Variants in ATRNL1 observed in about 807,000 individuals in gnomAD.
ATRNL1 encodes attractin like 1.
Under a neutral mutation model 182.7 loss-of-function variants are expected in ATRNL1, and 95 were observed. The ratio of observed to expected loss-of-function variants is 0.52; its 90% CI spans 0.44 to 0.62. The LOEUF is 0.62. Ranked by LOEUF, ATRNL1 falls within the 20% of genes least tolerant of loss-of-function variation. ATRNL1 has a pLI of 0.00. For missense variants in ATRNL1, 1,471 were observed against 1,679.5 expected, an observed-to-expected ratio of 0.88 and a Z score of 2.17; for synonymous variants, 576 against 568.3, an observed-to-expected ratio of 1.01 and a Z score of -0.19.
intron 26 of ATRNL1, among the ~76,000 whole-genome samples, chr10:115,691,183 C>T (rs531726327): frequency 6.6e-6 from 1 of 152,104 alleles, no homozygotes; most frequent in African/African-American, 2.4e-5. Flanking sequence ...TATTTTTAAC[C>T]TTCAGGAACT....
chr10:115,281,277 A>G (rs1852347762), intron 13 of ATRNL1, 78 bp from the exon 14 acceptor site: 1 of 1,269,852 alleles, frequency 7.9e-7, no homozygotes, highest in African/African-American at 1.5e-5. Context: ...AGTTCACCAG[A>G]GGATTTAAAT....
chr10:115,139,250 C>T (rs1379990262), intron 5 of ATRNL1, among the ~76,000 whole-genome samples: 1 of 152,216 alleles, frequency 6.6e-6, no homozygotes, highest in Admixed American at 6.5e-5. Flanking sequence ...CAAAGCGTTT[C>T]AACCTCTGCC....
At chr10:115,727,439 C>A in intron 27 of ATRNL1, 84 bp downstream of exon 27, 2 of 1,005,898 alleles carry the variant, frequency 2.0e-6, no homozygotes, top group Non-Finnish European at 3.0e-6. Flanking sequence ...GCTTATGAAG[C>A]CAAACAGAGT....
At chr10:115,691,220 A>G (rs1257342735) in intron 26 of ATRNL1, among the ~76,000 whole-genome samples, 1 of 152,122 alleles carries the variant, frequency 6.6e-6, no homozygotes, top group Non-Finnish European at 1.5e-5. Flanking sequence ...TCGTGCCTGT[A>G]CCAATTTACA....
At chr10:115,600,177 T>C in intron 26 of ATRNL1, among the ~76,000 whole-genome samples, 1 of 152,070 alleles carries the variant, frequency 6.6e-6, no homozygotes, top group African/African-American at 2.4e-5. Flanking sequence ...ACTTCGTTCA[T>C]TGATTTCACC....
chr10:115,467,267 A>G lies in ATRNL1; in HGVS notation c.3496+15A>G, dbSNP rs781861607. On this transcript the variant is annotated intron_variant, in intron 23 of 28. Transcript: ENST00000355044. Reference sequence around the variant, plus strand: ...CGGTTCAACAGGTAAAAAAATGTTGATGTCATATCTCTTTTACATGTGTTC... The same window carrying G: ...CGGTTCAACAGGTAAAAAAATGTTGGTGTCATATCTCTTTTACATGTGTTC... The G allele has an allele frequency of 1.3e-6, 2 of 1,569,620 alleles. No homozygotes were observed. Among genetic ancestry groups the G allele is most frequent in the East Asian group, 4.6e-5 (2 of 43,780 alleles).
At chr10:115,883,936 G>A (rs1951885040) in intron 28 of ATRNL1, among the ~76,000 whole-genome samples, 8 of 152,210 alleles carry the variant, frequency 5.3e-5, no homozygotes, top group African/African-American at 1.9e-4. Context: ...GACATTTTGA[G>A]TAGCTTGGTG....
intron 26 of ATRNL1, among the ~76,000 whole-genome samples, chr10:115,559,443 T>TGCGCGCGCGC (rs71476112): frequency 1.2e-4 from 9 of 77,788 alleles, no homozygotes; most frequent in East Asian, 6.7e-4. Flanking sequence ...TGTGTGTGTG[T>TGCGCGCGCGC]GCGCGCGCGC....
At chr10:115,734,993 C>A (rs1555064980) in intron 27 of ATRNL1, among the ~76,000 whole-genome samples, 4 of 152,030 alleles carry the variant, frequency 2.6e-5, no homozygotes, top group African/African-American at 7.2e-5. Context: ...AATCTTGCTT[C>A]CAATTTTCTT....
intron 1 of ATRNL1, among the ~76,000 whole-genome samples, chr10:115,101,847 C>T (rs1554864664): frequency 2.6e-5 from 4 of 152,170 alleles, no homozygotes; most frequent in African/African-American, 9.7e-5. Flanking sequence ...CCAAATTCAA[C>T]TTTTATTAAT....
chr10:115,694,827 G>A (rs1946502016), intron 26 of ATRNL1, among the ~76,000 whole-genome samples: 1 of 151,234 alleles, frequency 6.6e-6, no homozygotes, highest in Non-Finnish European at 1.5e-5. Flanking sequence ...ATTTTGGGAG[G>A]GTGGAGGATG....
chr10:115,653,456 T>C (rs905854448), intron 26 of ATRNL1, among the ~76,000 whole-genome samples: 3 of 152,212 alleles, frequency 2.0e-5, no homozygotes, highest in South Asian at 4.1e-4. Context: ...CCCACCATGG[T>C]TTTTGTTTTC....
At chr10:115,575,107 C>G (rs1555004728) in intron 26 of ATRNL1, among the ~76,000 whole-genome samples, 1 of 151,912 alleles carries the variant, frequency 6.6e-6, no homozygotes, top group Non-Finnish European at 1.5e-5. Context: ...CACTGTTTAT[C>G]CCAAGAATTT....
rs1233799292 is a variant in ATRNL1, at chr10:115,365,074, G to A, written c.3176-29585G>A. On this transcript the variant is annotated intron_variant, in intron 19 of 28. Transcript: ENST00000355044. Reference sequence around the variant, plus strand: ...AGGATTCCCTCTTTTTCTATTGATTGGAATAGTTTCAGAAGGAATGGTACC... The same window carrying A: ...AGGATTCCCTCTTTTTCTATTGATTAGAATAGTTTCAGAAGGAATGGTACC... 2.7e-5 allele frequency among the ~76,000 whole-genome samples: 4 copies of A among 148,946 alleles called. No homozygotes were observed. The South Asian group carries it at 8.5e-4, about 32-fold the overall frequency.
chr10:115,631,626 C>T (rs1555026478), intron 26 of ATRNL1, among the ~76,000 whole-genome samples: 1 of 151,918 alleles, frequency 6.6e-6, no homozygotes, highest in African/African-American at 2.4e-5. Flanking sequence ...TTGTTGAGGC[C>T]AGATGTGTTG....
chr10:115,492,662 G>A, intron 24 of ATRNL1, among the ~76,000 whole-genome samples: 1 of 23,058 alleles, frequency 4.3e-5, no homozygotes, highest in Middle Eastern at 0.033. Flanking sequence ...TTTTTTTTTT[G>A]AGATGGGGTC....
intron 19 of ATRNL1, among the ~76,000 whole-genome samples, chr10:115,372,283 T>C (rs1857436587): frequency 6.6e-6 from 1 of 152,214 alleles, no homozygotes; most frequent in Non-Finnish European, 1.5e-5. Flanking sequence ...TCCAGGTATA[T>C]GATTTGAAAA....
At chr10:115,790,704 A>C (rs1949511172) in intron 27 of ATRNL1, among the ~76,000 whole-genome samples, 1 of 151,870 alleles carries the variant, frequency 6.6e-6, no homozygotes, top group Non-Finnish European at 1.5e-5. Context: ...ATGTTTTTAA[A>C]AATTCCATGC....
intron 27 of ATRNL1, among the ~76,000 whole-genome samples, chr10:115,794,249 TC>T (rs1471041365): frequency 6.6e-6 from 1 of 152,170 alleles, no homozygotes; most frequent in Non-Finnish European, 1.5e-5. Context: ...AGAATTTTTT[TC>T]CTCATACCAT....
Sources: allele counts gnomAD v4.1 joint callset (sites outside exome capture counted in the v4.1 genomes callset), GRCh38; gene constraint gnomAD v4.1.1; transcripts MANE v1.5; gene names NCBI Gene and HGNC (gene_info 2026-07-23, HGNC 2026-07-21).